MX2: variants seen among roughly 807,000 people sequenced by gnomAD.
MX2 encodes interferon-induced GTP-binding protein Mx2.
MX2 carries 51 observed loss-of-function variants against 74.0 expected under a neutral mutation model. The ratio of observed to expected loss-of-function variants is 0.69; its 90% CI spans 0.55 to 0.87. MX2 has a LOEUF of 0.87. MX2 is among the 40% of genes least tolerant of loss of function. The pLI, the probability that MX2 is intolerant of heterozygous loss-of-function variation, is 0.00. For missense variants in MX2, 832 were observed against 908.7 expected (o/e 0.92, Z 1.09); for synonymous variants, 369 against 339.3 (o/e 1.09, Z -0.96).
intron 5 of MX2, among the ~76,000 whole-genome samples, chr21:41,385,763 A>G (rs1282499494): frequency 6.6e-6 from 1 of 152,162 alleles, no homozygotes; most frequent in African/African-American, 2.4e-5. Context: ...GGCAACATTT[A>G]TTAAGTTATC....
chr21:41,374,483 C>T (rs2089371993), intron 1 of MX2, among the ~76,000 whole-genome samples: 1 of 152,220 alleles, frequency 6.6e-6, no homozygotes, highest in Non-Finnish European at 1.5e-5. Flanking sequence ...ACGGGGAAGG[C>T]CCCGACAGCA....
chr21:41,379,778 C>T (rs2089462904), intron 3 of MX2, among the ~76,000 whole-genome samples: 1 of 152,216 alleles, frequency 6.6e-6, no homozygotes, highest in Non-Finnish European at 1.5e-5. Context: ...TCATGTCCAT[C>T]GGAGCTCAGG....
intron 1 of MX2, among the ~76,000 whole-genome samples, chr21:41,371,018 G>A (rs2089318110): frequency 6.6e-6 from 1 of 152,116 alleles, no homozygotes; most frequent in South Asian, 2.1e-4. Flanking sequence ...AATGTGTTTT[G>A]GTCTGAAGGA....
chr21:41,388,977 A>C lies in MX2; in HGVS notation c.733-1588A>C, dbSNP rs571265207. On this transcript the variant is annotated intron_variant, in intron 5 of 13. Transcript: ENST00000330714. This position sits in a 1 kb window ranked among gnomAD's most constrained non-coding sequence, Gnocchi z 4.0. ...CTAGGATGGCCACCATGGCAGAGTC[A>C]TCCTTCTGAATTGTCAACAGTGCTG... 6.6e-6 allele frequency among the ~76,000 whole-genome samples: 1 copy of C among 152,266 alleles called. No homozygotes were observed. The highest frequency in any genetic ancestry group is 2.4e-5 in the African/African-American group (1 of 41,548).
Position 41,377,884 on chromosome 21 carries a change from CCTGG to C in MX2, c.347_350del (p.Leu116ProfsTer34). The C allele has an allele frequency of 1.2e-6, 2 of 1,614,202 alleles. No individual in the cohort carries two copies. Among genetic ancestry groups the C allele is most frequent in the Non-Finnish European group, 1.7e-6 (2 of 1,180,040 alleles). Reference sequence around the variant, plus strand: ...TGCGGGCTCTGGGTGTGGAGCAGGACCTGGCCCTGCCAGCCATCGCCGTCATCGG... The same window carrying C: ...TGCGGGCTCTGGGTGTGGAGCAGGACCCCTGCCAGCCATCGCCGTCATCGG... On this transcript the variant is annotated frameshift_variant, in exon 3 of 14. Coordinates refer to ENST00000330714, the MANE Select transcript of MX2 (RefSeq NM_002463.2). LOFTEE classifies it high-confidence loss of function.
chr21:41,387,646 C>G (rs2089598617), intron 5 of MX2, among the ~76,000 whole-genome samples: 1 of 152,182 alleles, frequency 6.6e-6, no homozygotes, highest in Non-Finnish European at 1.5e-5. Flanking sequence ...ACTCTCCCTG[C>G]TATGTCCCTG....
rs778804215 is a variant in MX2, at chr21:41,403,637, G to A, written c.1650+294G>A. The A allele has an allele frequency of 4.6e-6, 3 of 646,870 alleles. No homozygotes were observed. The African/African-American group carries it at 5.4e-5, about 12-fold the overall frequency. The allele number at this position is 646,870 out of a possible 1,614,324, so 40.1% of individuals were successfully genotyped here. A position where few individuals can be genotyped will look rare whatever the true frequency, so the allele number is the denominator to read the frequency against. ...GTGGGGCTCCACCGAGGACTGGCTG[G>A]TAGGCTGAATCTTTTTCAAGCATAA... On this transcript the variant is annotated intron_variant, in intron 12 of 13. Transcript: ENST00000330714.
At position 41,395,570 on chromosome 21, in the gene MX2, C is replaced by T. The variant is rs2089723148; in HGVS notation, c.872-17C>T. 1.2e-6 allele frequency: 2 copies of T among 1,613,032 alleles called. No individual in the cohort carries two copies. The highest frequency in any genetic ancestry group is 1.7e-6 in the Non-Finnish European group (2 of 1,179,268). On this transcript the variant is annotated splice_polypyrimidine_tract_variant and intron_variant, in intron 6 of 13. Coordinates refer to ENST00000330714, the MANE Select transcript of MX2 (RefSeq NM_002463.2). ...GATCACTGACCTTTCCATTTCCCTT[C>T]TTTAACCATCTCACAGGTATCCTGA...
Position 41,408,999 on chromosome 21 carries a change from A to C in MX2, c.*766A>C, listed in dbSNP as rs191912603. The C allele has an allele frequency of 5.0e-4, 76 of 152,378 alleles. No individual in the cohort carries two copies. Among genetic ancestry groups the C allele is most frequent in the African/African-American group, 1.7e-3 (72 of 41,580 alleles). The allele number at this position is 152,378 out of a possible 1,614,324, so 9.4% of individuals were successfully genotyped here. A position where few individuals can be genotyped will look rare whatever the true frequency, so the allele number is the denominator to read the frequency against. ...CAGTGACTCTGGAGACTGAAGCAGA[A>C]GGATCACTTGAGCCCAGGAGTTCAA... On this transcript the variant is annotated 3_prime_UTR_variant, in exon 14 of 14. Transcript: ENST00000330714.
chr21:41,377,164 G>A lies in MX2; in HGVS notation c.249+9G>A, dbSNP rs7281331. The A allele has an allele frequency of 3.6e-3, 5,855 of 1,613,306 alleles. 183 individuals carry two copies. In the African/African-American group the frequency reaches 0.065, roughly 18 times the overall value. On this transcript the variant is annotated intron_variant, in intron 2 of 13. Coordinates refer to ENST00000330714, the MANE Select transcript of MX2 (RefSeq NM_002463.2). ...GCCAACCAAGGGCAATGGTAAGCCC[G>A]GTGGAGGGACGTTCAGAAAGGGTGC...
At chr21:41,376,734 G>T in intron 1 of MX2, 102 bp from the exon 2 acceptor site, 1 of 815,170 alleles carries the variant, frequency 1.2e-6, no homozygotes. Context: ...CTGTGTGTAG[G>T]GGGTAGGTTG....
chr21:41,363,900 C>T lies in MX2; in HGVS notation c.-72+1845C>T, dbSNP rs994272597. The T allele has an allele frequency of 6.5e-6, 1 of 154,970 alleles. No individual in the cohort carries two copies. Among genetic ancestry groups the T allele is most frequent in the African/African-American group, 2.4e-5 (1 of 41,534 alleles). The allele number at this position is 154,970 out of a possible 1,614,324, so 9.6% of individuals were successfully genotyped here. A position where few individuals can be genotyped will look rare whatever the true frequency, so the allele number is the denominator to read the frequency against. ...GTGTGCTTGTCCTCCAATCTCAACA[C>T]CCTGGGATGCAGTGTCAGGTGCAGG... On this transcript the variant is annotated intron_variant, in intron 1 of 13. Transcript: ENST00000330714. This position sits in a 1 kb window ranked among gnomAD's most constrained non-coding sequence, Gnocchi z 4.2.
At chr21:41,367,550 CT>C (rs1274266379) in intron 1 of MX2, among the ~76,000 whole-genome samples, 1 of 151,926 alleles carries the variant, frequency 6.6e-6, no homozygotes, top group African/African-American at 2.4e-5. Context: ...AACCAAATCC[CT>C]TTTTTTTCTC....
chr21:41,392,894 C>T (rs1346002940), intron 6 of MX2, among the ~76,000 whole-genome samples: 1 of 151,972 alleles, frequency 6.6e-6, no homozygotes, highest in Non-Finnish European at 1.5e-5. Context: ...CACCTGAGGT[C>T]AGGAGTTCGA....
Position 41,382,449 on chromosome 21 carries a change from A to G in MX2, c.617A>G (p.His206Arg). The change falls in exon 5 of 14, where the codon CAT becomes CGT. Residue 206 changes from histidine to arginine, a missense_variant. Transcript: ENST00000330714. ...GCCGGGAATGGCCGGGGCATCAGCC[A>G]TGAGCTCATCAGCCTGGAGATCACC... ...VMAGNGRGIS[H>R]ELISLEITSP... 1 of 1,614,182 alleles carries G rather than the reference A, an allele frequency of 6.2e-7. No homozygotes were observed. Among genetic ancestry groups the G allele is most frequent in the Non-Finnish European group, 8.5e-7 (1 of 1,180,030 alleles).
intron 4 of MX2, among the ~76,000 whole-genome samples, chr21:41,381,969 G>A (rs543689494): frequency 6.6e-5 from 10 of 152,168 alleles, no homozygotes; most frequent in Non-Finnish European, 1.3e-4. Context: ...GATGCATTTA[G>A]GAACTAGTCA....
At position 41,377,089 on chromosome 21, in the gene MX2, G is replaced by A. The variant is rs1268195637; in HGVS notation, c.183G>A (p.Lys61=). 6.2e-7 allele frequency: 1 copy of A among 1,614,212 alleles called. No homozygotes were observed. Among genetic ancestry groups the A allele is most frequent in the South Asian group, 1.1e-5 (1 of 91,086 alleles). The stretch of plus-strand genomic sequence containing the variant: ...AGAAGGACGCTGCTTTCCTCGCCAA[G>A]GACTTCAACTTTCTCACTTTGAACA... ...GAEKDAAFLA[K]DFNFLTLNNQ... Residue 61 remains lysine (K), a synonymous_variant, in exon 2 of 14, where the codon AAG becomes AAA. Coordinates refer to ENST00000330714, the MANE Select transcript of MX2 (RefSeq NM_002463.2).
chr21:41,396,827 G>A (rs1167635309), intron 7 of MX2, among the ~76,000 whole-genome samples: 1 of 152,196 alleles, frequency 6.6e-6, no homozygotes, highest in Non-Finnish European at 1.5e-5. Flanking sequence ...GGTTCTCCAT[G>A]CTGAGTGAGC....
At chr21:41,386,979 A>T (rs1336615045) in intron 5 of MX2, among the ~76,000 whole-genome samples, 1 of 151,622 alleles carries the variant, frequency 6.6e-6, no homozygotes, top group Non-Finnish European at 1.5e-5. Context: ...GGCTGCTAAA[A>T]ACCTAAAACA....
Sources: allele counts gnomAD v4.1 joint callset (sites outside exome capture counted in the v4.1 genomes callset), GRCh38; gene constraint gnomAD v4.1.1; non-coding constraint Gnocchi (gnomAD v3.1); transcripts MANE v1.5; gene names NCBI Gene and HGNC (gene_info 2026-07-23, HGNC 2026-07-21).